The following TDRD7 variants were observed in gnomAD, a reference collection of about 807,000 sequenced individuals.
The protein encoded by TDRD7 is tudor domain containing 7, also known as tudor domain-containing protein 7.
A neutral mutation model predicts 109.8 loss-of-function variants in TDRD7; 47 were observed. The observed-to-expected ratio is 0.43, with a 90% confidence interval of 0.34 to 0.55. The LOEUF is 0.55. TDRD7 is among the 20% of genes least tolerant of loss of function. The pLI is 0.03. For synonymous variants in TDRD7, 424 were observed against 457.3 expected (o/e 0.93, Z 0.93); for missense variants, 1,164 against 1,319.2 (o/e 0.88, Z 1.82).
In TDRD7 at chr9:97,483,081, C is replaced by T. The variant is rs1390742102; in HGVS notation, c.2645C>T (p.Thr882Ile). ...NTGENFRKNL[T>I]DVIKKSMVDH... ...GGAGAGAATTTCAGAAAGAACCTCA[C>T]AGATGTCATCAAAAAGTCCATGGTG... is the stretch of plus-strand genomic sequence containing the variant. Residue 882 changes from threonine to isoleucine, a missense_variant, in exon 15 of 17, where the codon ACA (threonine) becomes ATA (isoleucine). Coordinates refer to ENST00000355295, the MANE Select transcript of TDRD7 (RefSeq NM_014290.3). 2.5e-6 allele frequency: 4 copies of T among 1,614,028 alleles called. No homozygotes were observed. The highest frequency in any genetic ancestry group is 1.3e-5 in the African/African-American group (1 of 74,934).
intron 6 of TDRD7, among the ~76,000 whole-genome samples, chr9:97,443,713 T>C (rs2118380376): frequency 6.6e-6 from 1 of 152,362 alleles, no homozygotes; most frequent in East Asian, 1.9e-4. Context: ...CTTTATGAGT[T>C]CTTTTATTTC....
chr9:97,423,001 T>A (rs1827923849), intron 1 of TDRD7, among the ~76,000 whole-genome samples: 1 of 152,232 alleles, frequency 6.6e-6, no homozygotes, highest in African/African-American at 2.4e-5. Context: ...TCATGCAGTG[T>A]CTTTGTATAG....
chr9:97,493,399 AT>A, intron 16 of TDRD7, among the ~76,000 whole-genome samples: 1 of 152,252 alleles, frequency 6.6e-6, no homozygotes, highest in Middle Eastern at 3.4e-3. Flanking sequence ...GCAAGTTTCT[AT>A]TAGTGATTTT....
intron 1 of TDRD7, among the ~76,000 whole-genome samples, chr9:97,427,335 ACT>A (rs887333170): frequency 4.0e-5 from 6 of 151,420 alleles, no homozygotes; most frequent in African/African-American, 1.5e-4. Flanking sequence ...TGGCATTATG[ACT>A]CTGCTTCTTT....
In TDRD7 at chr9:97,457,968, A is replaced by C. The variant is rs147753777; in HGVS notation, c.856-2210A>C. ...GGATACAGAGAGGGGAACAACACTT[A>C]CCAGGGCCTATTAGGGGGTTATTAG... On this transcript the variant is annotated intron_variant, in intron 6 of 16. Transcript: ENST00000355295. Among the ~76,000 whole-genome samples the C allele has an allele frequency of 2.0e-3, 302 of 152,226 alleles. 3 individuals carry two copies. Among genetic ancestry groups the C allele is most frequent in the African/African-American group, 6.9e-3 (288 of 41,540 alleles).
chr9:97,439,376 C>G, intron 5 of TDRD7, 58 bp downstream of exon 5: 1 of 1,411,806 alleles, frequency 7.1e-7, no homozygotes, highest in Admixed American at 1.7e-5. Context: ...AGAAACATAT[C>G]TGGTGGTGGC....
chr9:97,417,890 G>T (rs986471141), intron 1 of TDRD7, among the ~76,000 whole-genome samples: 1 of 152,180 alleles, frequency 6.6e-6, no homozygotes, highest in African/African-American at 2.4e-5. Context: ...ACTTTGGGAG[G>T]CCAAGGCAGG....
intron 15 of TDRD7, among the ~76,000 whole-genome samples, chr9:97,484,665 A>G (rs1254096806): frequency 6.6e-6 from 1 of 152,208 alleles, no homozygotes; most frequent in Non-Finnish European, 1.5e-5. Flanking sequence ...AAAACATACA[A>G]TTTGTATGTC....
In TDRD7 at chr9:97,474,464, C is replaced by T. The variant is rs78139502; in HGVS notation, c.2079+838C>T. ...TTCTAGACCGTATGCTTCTTGAGGG[C>T]ATAGACTGTGCCTTACCAATTTTCT... is the stretch of plus-strand genomic sequence containing the variant. On this transcript the variant is annotated intron_variant, in intron 11 of 16. Transcript: ENST00000355295. Among the ~76,000 whole-genome samples the T allele has an allele frequency of 8.1e-3, 1,230 of 152,248 alleles. 39 individuals are homozygous for T. The East Asian group carries it at 0.11, about 13-fold the overall frequency.
chr9:97,487,400 GC>G, intron 16 of TDRD7, 68 bp downstream of exon 16: 1 of 1,600,834 alleles, frequency 6.2e-7, no homozygotes, highest in Non-Finnish European at 8.6e-7. Context: ...TGGGTACTTA[GC>G]AAGTACTGAA....
chr9:97,478,329 TAGTC>T, intron 12 of TDRD7, 106 bp from the exon 13 acceptor site: 1 of 1,162,820 alleles, frequency 8.6e-7, no homozygotes, highest in East Asian at 2.4e-5. Context: ...TTAACACTGA[TAGTC>T]TGTTCCTTTT....
intron 1 of TDRD7, among the ~76,000 whole-genome samples, chr9:97,423,281 A>G (rs961378036): frequency 2.6e-5 from 4 of 151,974 alleles, no homozygotes; most frequent in Non-Finnish European, 5.9e-5. Context: ...AAATTTATCT[A>G]TTTCATCTAA....
intron 1 of TDRD7, among the ~76,000 whole-genome samples, chr9:97,421,158 G>T (rs931191053): frequency 6.6e-6 from 1 of 150,826 alleles, no homozygotes. Flanking sequence ...AAAAGAAATT[G>T]TCAAACTATT....
chr9:97,423,220 G>T (rs889725433), intron 1 of TDRD7, among the ~76,000 whole-genome samples: 4 of 152,124 alleles, frequency 2.6e-5, no homozygotes, highest in African/African-American at 9.7e-5. Flanking sequence ...AGGGATATTT[G>T]AGGGTTATTT....
chr9:97,482,624 T>G (rs1056644352), intron 14 of TDRD7, among the ~76,000 whole-genome samples: 2 of 152,196 alleles, frequency 1.3e-5, no homozygotes, highest in Non-Finnish European at 2.9e-5. Flanking sequence ...TTTTTAAAGA[T>G]TAGTAAATTT....
At chr9:97,439,436 C>T (rs1458071346) in intron 5 of TDRD7, 118 bp downstream of exon 5, 1 of 847,318 alleles carries the variant, frequency 1.2e-6, no homozygotes, top group Non-Finnish European at 1.9e-6. Flanking sequence ...TCCTTCCTCC[C>T]CTTTTTCCTA....
intron 12 of TDRD7, among the ~76,000 whole-genome samples, chr9:97,476,510 G>GT (rs1829021668): frequency 6.9e-6 from 1 of 144,098 alleles, no homozygotes; most frequent in Non-Finnish European, 1.5e-5. Context: ...GATGTCAGGA[G>GT]TTTGAGACCA....
Position 97,482,880 on chromosome 9 carries a change from C to T in TDRD7, c.2444C>T (p.Ala815Val), listed in dbSNP as rs745510126. ...AAAGTGGATGAAACCAGAGGGATCG[C>T]ACATGTTTATTTATTTACCCCTAAG... ...VTKVDETRGIAHVYLFTPKNF... is the reference protein window; with the variant it reads ...VTKVDETRGIVHVYLFTPKNF... The change falls in exon 15 of 17, where the codon GCA becomes GTA. Residue 815 changes from alanine to valine, a missense_variant. Around this residue, in one of 5 missense-constraint regions of TDRD7, gnomAD observed 233 missense variants for 218.0 expected, o/e 1.07. Transcript: ENST00000355295. The T allele has an allele frequency of 1.9e-6, 3 of 1,614,102 alleles. No individual in the cohort carries two copies. In the South Asian group the frequency reaches 3.3e-5, roughly 18 times the overall value.
intron 6 of TDRD7, among the ~76,000 whole-genome samples, chr9:97,452,178 C>T (rs949542822): frequency 1.3e-5 from 2 of 152,150 alleles, no homozygotes; most frequent in Non-Finnish European, 2.9e-5. Context: ...TGCGCCACTG[C>T]ACTCTAGCCT....
Sources: allele counts gnomAD v4.1 joint callset (sites outside exome capture counted in the v4.1 genomes callset), GRCh38; gene constraint gnomAD v4.1.1; regional missense constraint gnomAD v4.1.1; transcripts MANE v1.5; gene names NCBI Gene and HGNC (gene_info 2026-07-23, HGNC 2026-07-21).